RUNX1T1: variants seen among roughly 807,000 people sequenced by gnomAD.
RUNX1T1 encodes protein CBFA2T1.
RUNX1T1 carries 4 observed loss-of-function variants against 62.8 expected under a neutral mutation model. The observed-to-expected ratio is 0.06, with a 90% CI of 0.03 to 0.15. RUNX1T1 has a LOEUF of 0.15. RUNX1T1 is among the 10% of genes least tolerant of loss of function. RUNX1T1 has a pLI of 1.00. For missense variants in RUNX1T1, 508 were observed against 754.3 expected, an observed-to-expected ratio of 0.67 and a Z score of 3.82; for synonymous variants, 291 against 286.0, an observed-to-expected ratio of 1.02 and a Z score of -0.18.
At chr8:91,986,791 C>G in intron 7 of RUNX1T1, 96 bp downstream of exon 8, 1 of 791,392 alleles carries the variant, frequency 1.3e-6, no homozygotes, top group Non-Finnish European at 2.2e-6. Context: ...AAAAACAATG[C>G]CTTCAAAGGA....
Position 92,070,436 on chromosome 8 carries a change from C to G in RUNX1T1, c.88+5529G>C, listed in dbSNP as rs185878408. Among the ~76,000 whole-genome samples the G allele has an allele frequency of 2.6e-5, 4 of 152,218 alleles. No homozygotes were observed. The East Asian group carries it at 7.7e-4, about 29-fold the overall frequency. ...TGCAGCAGGCTGATACATAAATAAA[C>G]ACGCACATGCCTGAGGATACACATA... On this transcript the variant is annotated intron_variant, in intron 2 of 11. Coordinates refer to the RUNX1T1 transcript ENST00000265814.
chr8:92,084,006 GC>G (rs1264281718), intron 1 of RUNX1T1, among the ~76,000 whole-genome samples: 1 of 152,010 alleles, frequency 6.6e-6, no homozygotes, highest in Admixed American at 6.6e-5. Flanking sequence ...AGATCAGAAA[GC>G]CAAACAATGC....
At chr8:91,995,788 A>G (rs1162200467) in intron 5 of RUNX1T1, among the ~76,000 whole-genome samples, 1 of 152,148 alleles carries the variant, frequency 6.6e-6, no homozygotes, top group Non-Finnish European at 1.5e-5. Flanking sequence ...CCCTGTCTCA[A>G]AAAAAAGGGG....
exon 11 of RUNX1T1, chr8:91,959,459 T>TATATATGTGC (rs1809952158): frequency 8.0e-6 from 1 of 124,310 alleles, no homozygotes; most frequent in African/African-American, 6.8e-5. Flanking sequence ...TGTGTGTGTG[T>TATATATGTGC]GTGTGTGTAT....
Position 91,962,889 on chromosome 8 carries a change from C to T in RUNX1T1, c.1459-2372G>A, listed in dbSNP as rs139363789. On this transcript the variant is annotated intron_variant, in intron 10 of 10. Transcript: ENST00000396218. ...TCCTATCCGTTTTTTGGCAGAGGCA[C>T]GTTTTGGCAGACACAGGGTGGTAAC... 4.9e-3 allele frequency among the ~76,000 whole-genome samples: 747 copies of T among 152,300 alleles called. 8 individuals carry two copies. Among genetic ancestry groups the T allele is most frequent in the African/African-American group, 0.017 (712 of 41,576 alleles).
chr8:92,095,524 A>C (rs1837665746), intron 1 of RUNX1T1: 2 of 1,500,794 alleles, frequency 1.3e-6, no homozygotes, highest in Admixed American at 4.3e-5. Context: ...AACGTGCATC[A>C]GGGTGATTAC....
At chr8:92,076,637 C>G (rs1366417870) in intron 1 of RUNX1T1, among the ~76,000 whole-genome samples, 2 of 151,996 alleles carry the variant, frequency 1.3e-5, no homozygotes, top group Non-Finnish European at 2.9e-5. Context: ...ATTATTAGCA[C>G]ACATAGTTTA....
At chr8:91,970,433 G>A (rs550070838) in intron 10 of RUNX1T1, among the ~76,000 whole-genome samples, 31 of 152,048 alleles carry the variant, frequency 2.0e-4, no homozygotes, top group Non-Finnish European at 3.7e-4. Flanking sequence ...CACTTTGATC[G>A]GTAACCTACC....
intron 2 of RUNX1T1, among the ~76,000 whole-genome samples, chr8:92,072,261 TTA>T (rs1833799369): frequency 2.0e-5 from 3 of 152,226 alleles, no homozygotes; most frequent in Admixed American, 2.0e-4. Context: ...ATTAACATTG[TTA>T]TTTTAAATTT....
At chr8:91,984,715 T>C (rs527826060) in intron 8 of RUNX1T1, among the ~76,000 whole-genome samples, 2 of 152,324 alleles carry the variant, frequency 1.3e-5, no homozygotes, top group Non-Finnish European at 2.9e-5. Flanking sequence ...AAATCTCTGA[T>C]GATTAATCAA....
At chr8:92,051,704 T>C (rs1027498581) in intron 1 of RUNX1T1, among the ~76,000 whole-genome samples, 10 of 151,894 alleles carry the variant, frequency 6.6e-5, no homozygotes, top group East Asian at 1.9e-4. Flanking sequence ...ATAAACATCA[T>C]TGAAATTCAA....
chr8:92,090,916 G>C (rs1836889777), intron 1 of RUNX1T1, among the ~76,000 whole-genome samples: 1 of 152,172 alleles, frequency 6.6e-6, no homozygotes. Flanking sequence ...TCAGTGATGA[G>C]AATGTATGTG....
intron 1 of RUNX1T1, among the ~76,000 whole-genome samples, chr8:92,096,402 C>T (rs145652934): frequency 0.01 from 1,561 of 152,282 alleles, 13 homozygotes; most frequent in Middle Eastern, 0.024. Flanking sequence ...AGGGCTAATG[C>T]TTGTCCGTCA....
chr8:91,982,201 C>T (rs1442258977), intron 8 of RUNX1T1, among the ~76,000 whole-genome samples: 2 of 146,588 alleles, frequency 1.4e-5, no homozygotes, highest in Admixed American at 6.9e-5. Context: ...TATGCCACCA[C>T]ACTCCACCCT....
At chr8:91,957,452 G>A (rs952838454), downstream of RUNX1T1, 3 of 231,952 alleles carry the variant, frequency 1.3e-5, no homozygotes, top group Middle Eastern at 2.1e-3. Flanking sequence ...GGAAGAGGAG[G>A]AAGAGGGGAA....
chr8:91,974,514 T>C lies in RUNX1T1; in HGVS notation c.1267+1391A>G, dbSNP rs191682398. 2.3e-4 allele frequency among the ~76,000 whole-genome samples: 35 copies of C among 152,262 alleles called. No homozygotes were observed. In the East Asian group the frequency reaches 6.2e-3, roughly 27 times the overall value. ...TCCTCTGAACATAAAGTCACCCTTC[T>C]TCTGTCCAAAATCACAATTATTTGT... On this transcript the variant is annotated intron_variant, in intron 9 of 10. Coordinates refer to ENST00000396218, the Ensembl canonical transcript of RUNX1T1.
intron 1 of RUNX1T1, among the ~76,000 whole-genome samples, chr8:92,081,034 C>T (rs945832686): frequency 7.9e-5 from 12 of 152,326 alleles, no homozygotes; most frequent in African/African-American, 2.6e-4. Flanking sequence ...CTGTGGCCTA[C>T]ACACGCGGGC....
At chr8:91,986,736 T>C (rs1816641159) in intron 7 of RUNX1T1, 151 bp downstream of exon 8, 1 of 629,020 alleles carries the variant, frequency 1.6e-6, no homozygotes, top group Non-Finnish European at 2.8e-6. Flanking sequence ...AATCCTATAT[T>C]CTACTTCAGA....
intron 1 of RUNX1T1, 33 bp from the exon 2 acceptor site, chr8:92,076,170 T>C (rs1284123374): frequency 2.0e-6 from 3 of 1,473,172 alleles, no homozygotes; most frequent in African/African-American, 1.4e-5. Context: ...AAAAAATGCA[T>C]ATATCACAAC....
Sources: gnomAD v4.1 joint callset for allele counts (sites outside exome capture counted in the v4.1 genomes callset) on GRCh38, gnomAD v4.1.1 for gene constraint, MANE v1.5 for transcripts, NCBI Gene and HGNC (gene_info 2026-07-23, HGNC 2026-07-21) for gene names.